The following YTHDC1 variants were observed in gnomAD, a reference collection of about 807,000 sequenced individuals.
The protein encoded by YTHDC1 is YTH N6-methyladenosine RNA binding protein C1.
A neutral mutation model predicts 107.0 loss-of-function variants in YTHDC1; 12 were observed. That is an observed-to-expected ratio of 0.11 (90% CI 0.07 to 0.18). YTHDC1 has a LOEUF of 0.18. YTHDC1 is among the 10% of genes least tolerant of loss of function. The pLI is 1.00. For missense variants in YTHDC1, 635 were observed against 898.8 expected (o/e 0.71, Z 3.75); for synonymous variants, 280 against 289.5 (o/e 0.97, Z 0.33).
intron 1 of YTHDC1, among the ~76,000 whole-genome samples, chr4:68,344,556 TC>T (rs1279161070): frequency 1.3e-5 from 2 of 152,194 alleles, no homozygotes; most frequent in African/African-American, 4.8e-5. Flanking sequence ...GCATGACTCT[TC>T]AGTGCTGCCT....
At chr4:68,324,353 G>A in intron 9 of YTHDC1, 130 bp from the exon 10 acceptor site, 1 of 685,188 alleles carries the variant, frequency 1.5e-6, no homozygotes. Flanking sequence ...ACTTACAGTG[G>A]TTAATTCCCT....
intron 5 of YTHDC1, 81 bp from the exon 6 acceptor site, chr4:68,332,928 A>T: frequency 8.1e-7 from 1 of 1,232,088 alleles, no homozygotes; most frequent in Non-Finnish European, 1.2e-6. Context: ...GTCACATAAA[A>T]TTCTCATTCA....
At chr4:68,314,350 T>C (rs1258902103) in intron 16 of YTHDC1, 27 bp from the exon 17 acceptor site, 1 of 1,611,130 alleles carries the variant, frequency 6.2e-7, no homozygotes, top group Admixed American at 1.7e-5. Flanking sequence ...ATGTGTTAGG[T>C]ATGTCAAAAA....
At chr4:68,325,267 A>T (rs2109698513) in intron 9 of YTHDC1, among the ~76,000 whole-genome samples, 1 of 152,290 alleles carries the variant, frequency 6.6e-6, no homozygotes, top group African/African-American at 2.4e-5. Flanking sequence ...ACAATACAGA[A>T]GATTTTTTTT....
At chr4:68,343,911 AATCT>A (rs1560504947) in intron 1 of YTHDC1, 1 of 152,202 alleles carries the variant, frequency 6.6e-6, no homozygotes, top group African/African-American at 2.4e-5. Flanking sequence ...CTAAAATTCA[AATCT>A]ATCTAAAAGT....
At chr4:68,349,367 T>C (rs928851059) in intron 1 of YTHDC1, among the ~76,000 whole-genome samples, 2 of 152,134 alleles carry the variant, frequency 1.3e-5, no homozygotes, top group African/African-American at 4.8e-5. Context: ...CTAACAGAAA[T>C]GGTTGTCCTG....
intron 11 of YTHDC1, among the ~76,000 whole-genome samples, chr4:68,321,569 T>C: frequency 6.6e-6 from 1 of 152,278 alleles, no homozygotes; most frequent in South Asian, 2.1e-4. Context: ...AAACTTCACT[T>C]GTATATATTG....
At position 68,316,395 on chromosome 4, in the gene YTHDC1, A is replaced by G. The variant is rs1721862199; in HGVS notation, c.1878T>C (p.His626=). The G allele has an allele frequency of 6.2e-7, 1 of 1,614,054 alleles. No individual in the cohort carries two copies. The highest frequency in any genetic ancestry group is 1.1e-5 in the South Asian group (1 of 91,072). Residue 626 remains histidine (H), a synonymous_variant, in exon 16 of 17, where the codon CAT becomes CAC. Coordinates refer to ENST00000344157, the MANE Select transcript of YTHDC1 (RefSeq NM_001031732.4). ...QPPHHPYYQH[H]APPPQAHPPY... ...GGGGATGAGCTTGAGGAGGTGGAGC[A>G]TGGTGCTGATAGTAAGGATGGTGTG...
intron 9 of YTHDC1, among the ~76,000 whole-genome samples, chr4:68,329,014 T>C (rs72846033): frequency 0.011 from 1,636 of 152,334 alleles, 25 homozygotes; most frequent in African/African-American, 0.037. Context: ...ACAAGATTCT[T>C]TGTTGATGGG....
At chr4:68,316,248 C>A in intron 16 of YTHDC1, 66 bp downstream of exon 16, 1 of 1,520,106 alleles carries the variant, frequency 6.6e-7, no homozygotes, top group Non-Finnish European at 8.9e-7. Context: ...TCTGGTCTCC[C>A]CATATTTAAG....
intron 1 of YTHDC1, among the ~76,000 whole-genome samples, 193 bp from the exon 2 acceptor site, chr4:68,338,577 G>C (rs575720102): frequency 6.6e-6 from 1 of 152,182 alleles, no homozygotes; most frequent in Non-Finnish European, 1.5e-5. Flanking sequence ...TTGGCCAGTC[G>C]TGGTGGCTCA....
chr4:68,340,815 C>T (rs1724726497), intron 1 of YTHDC1, among the ~76,000 whole-genome samples: 1 of 151,970 alleles, frequency 6.6e-6, no homozygotes, highest in South Asian at 2.1e-4. Flanking sequence ...ATATTATATA[C>T]TTTAGACATG....
At chr4:68,346,314 C>T (rs559834832) in intron 1 of YTHDC1, among the ~76,000 whole-genome samples, 7 of 152,026 alleles carry the variant, frequency 4.6e-5, no homozygotes, top group African/African-American at 1.4e-4. Context: ...ACTAGGGAGC[C>T]CTTGGGAGGT....
In YTHDC1 at chr4:68,349,934, C is replaced by T. The variant is rs745599942; in HGVS notation, c.-181G>A. 15 of 803,320 alleles carry T rather than the reference C, an allele frequency of 1.9e-5. No individual in the cohort carries two copies. Among genetic ancestry groups the T allele is most frequent in the Non-Finnish European group, 2.8e-5 (14 of 501,906 alleles). 49.8% of individuals were successfully genotyped at this position (803,320 alleles called of 1,614,324 possible). ...CTCTTCCCGCTTTTTCCCTTTCTCC[C>T]TTCCTTTCACTCCAGCATCCAGCGG... On this transcript the variant is annotated 5_prime_UTR_variant, in exon 1 of 17. Transcript: ENST00000344157.
intron 1 of YTHDC1, among the ~76,000 whole-genome samples, chr4:68,342,620 A>T (rs1277240974): frequency 6.6e-6 from 1 of 152,230 alleles, no homozygotes; most frequent in African/African-American, 2.4e-5. Context: ...ACAAAAATTC[A>T]TTTAAATAGG....
intron 15 of YTHDC1, among the ~76,000 whole-genome samples, chr4:68,317,893 A>C (rs549021223): frequency 1.3e-5 from 2 of 152,224 alleles, no homozygotes; most frequent in African/African-American, 4.8e-5. Flanking sequence ...TTTACAGATG[A>C]GGAAAACTAA....
chr4:68,331,844 T>C (rs1398591426), intron 7 of YTHDC1, among the ~76,000 whole-genome samples: 1 of 151,826 alleles, frequency 6.6e-6, no homozygotes, highest in African/African-American at 2.4e-5. Context: ...AACAGGATCT[T>C]TTACAGCAAA....
At chr4:68,338,421 C>T in intron 1 of YTHDC1, 37 bp from the exon 2 acceptor site, 1 of 1,494,644 alleles carries the variant, frequency 6.7e-7, no homozygotes. Context: ...GGAAAAATCA[C>T]TATCATTGAA....
chr4:68,319,977 A>G (rs1578022984), intron 12 of YTHDC1, 146 bp downstream of exon 12: 2 of 660,012 alleles, frequency 3.0e-6, no homozygotes, highest in East Asian at 5.7e-5. Flanking sequence ...ACTAATGAGA[A>G]CTACTAAAAT....
Sources: gnomAD v4.1 joint callset for allele counts (sites outside exome capture counted in the v4.1 genomes callset) on GRCh38, gnomAD v4.1.1 for gene constraint, MANE v1.5 for transcripts, NCBI Gene and HGNC (gene_info 2026-07-23, HGNC 2026-07-21) for gene names.